PCDHA8: variants seen among roughly 807,000 people sequenced by gnomAD.
PCDHA8 encodes protocadherin alpha 8.
Under a neutral mutation model 61.8 loss-of-function variants are expected in PCDHA8, and 53 were observed. The ratio of observed to expected loss-of-function variants is 0.86; its 90% CI spans 0.69 to 1.08. PCDHA8 has a LOEUF of 1.08. PCDHA8 is among the 50% of genes least tolerant of loss of function. The probability of loss-of-function intolerance (pLI) is 0.00; values close to 1 mark genes in which losing one functional copy is unlikely to be tolerated. For synonymous variants in PCDHA8, 618 were observed against 556.6 expected, an observed-to-expected ratio of 1.11 and a Z score of -1.55; for missense variants, 1,293 against 1,245.0, an observed-to-expected ratio of 1.04 and a Z score of -0.58.
chr5:140,905,047 C>A (rs2071568223), intron 1 of PCDHA8, among the ~76,000 whole-genome samples: 1 of 152,076 alleles, frequency 6.6e-6, no homozygotes, highest in Non-Finnish European at 1.5e-5. Context: ...TTAATTAGGT[C>A]CCATTTATTT....
intron 1 of PCDHA8, among the ~76,000 whole-genome samples, chr5:140,911,789 G>A (rs1399185754): frequency 6.6e-6 from 1 of 152,024 alleles, no homozygotes; most frequent in Non-Finnish European, 1.5e-5. Flanking sequence ...GCATTTTTGG[G>A]TCTAATCATA....
In PCDHA8 at chr5:140,904,839, ATCT is replaced by A. The variant is rs1480252178; in HGVS notation, c.2394+61131_2394+61133del. 4.1e-4 allele frequency among the ~76,000 whole-genome samples: 62 copies of A among 152,040 alleles called. No individual in the cohort carries two copies. The East Asian group carries it at 6.4e-3, about 16-fold the overall frequency. Reference sequence around the variant, plus strand: ...TTGAGCATTTTTTTATATGTTTCATATCTTCTTCTGAGAATTGTCTGTTTATGT... The same window carrying A: ...TTGAGCATTTTTTTATATGTTTCATATCTTCTGAGAATTGTCTGTTTATGT... On this transcript the variant is annotated intron_variant, in intron 1 of 3. Coordinates refer to ENST00000531613, the MANE Select transcript of PCDHA8 (RefSeq NM_018911.3).
intron 1 of PCDHA8, chr5:140,871,317 G>A: frequency 6.2e-7 from 1 of 1,614,080 alleles, no homozygotes; most frequent in Non-Finnish European, 8.5e-7. Flanking sequence ...AGCCCACGCT[G>A]GTGTGCTCCC....
At chr5:140,917,332 G>GT (rs1293292013) in intron 1 of PCDHA8, among the ~76,000 whole-genome samples, 2 of 145,540 alleles carry the variant, frequency 1.4e-5, no homozygotes, top group Non-Finnish European at 3.0e-5. Flanking sequence ...GGCGGGGGAG[G>GT]GGGGGGATGG....
chr5:140,869,005 G>C, intron 1 of PCDHA8: 1 of 1,521,546 alleles, frequency 6.6e-7, no homozygotes, highest in Non-Finnish European at 8.8e-7. Context: ...AGGATCCTTT[G>C]AAACTTCTTA....
intron 1 of PCDHA8, chr5:140,855,976 G>C: frequency 6.9e-7 from 1 of 1,448,118 alleles, no homozygotes; most frequent in Non-Finnish European, 9.3e-7. Context: ...TAAGAAATAG[G>C]ACAGAAAATG....
In PCDHA8 at chr5:141,010,671, A is replaced by T. The variant is rs375520397; in HGVS notation, c.*734A>T. The T allele has an allele frequency of 5.7e-4, 94 of 164,082 alleles. 1 individual carries two copies. Among genetic ancestry groups the T allele is most frequent in the Non-Finnish European group, 1.2e-3 (86 of 74,622 alleles). The allele number at this position is 164,082 out of a possible 1,614,324, so 10.2% of individuals were successfully genotyped here. A position where few individuals can be genotyped will look rare whatever the true frequency, so the allele number is the denominator to read the frequency against. On this transcript the variant is annotated 3_prime_UTR_variant, in exon 4 of 4. Transcript: ENST00000531613. Reference sequence around the variant, plus strand: ...TGTTTTAACAGAGAACCACCCTGGGAAACAGAAGCAGATCTGATGTGTTTC... The same window carrying T: ...TGTTTTAACAGAGAACCACCCTGGGTAACAGAAGCAGATCTGATGTGTTTC...
rs565095262 is a variant in PCDHA8, at chr5:140,873,057, T to C, written c.2394+29342T>C. 8.5e-4 allele frequency among the ~76,000 whole-genome samples: 129 copies of C among 152,336 alleles called. 1 individual carries two copies. Among genetic ancestry groups the C allele is most frequent in the Middle Eastern group, 3.4e-3 (1 of 294 alleles). ...TAGAGTGGTGGTATTACAGACTTTC[T>C]TGAGAATCATATCTAGCTATTTCCC... On this transcript the variant is annotated intron_variant, in intron 1 of 3. Transcript: ENST00000531613.
rs1342551274 is a variant in PCDHA8, at chr5:140,871,604, T to C, written c.2394+27889T>C. 4 of 1,443,096 alleles carry C rather than the reference T, an allele frequency of 2.8e-6. No homozygotes were observed. In the African/African-American group the frequency reaches 4.3e-5, roughly 16 times the overall value. The allele number at this position is 1,443,096 out of a possible 1,614,324, so 89.4% of individuals were successfully genotyped here. A position where few individuals can be genotyped will look rare whatever the true frequency, so the allele number is the denominator to read the frequency against. On this transcript the variant is annotated intron_variant, in intron 1 of 3. Coordinates refer to ENST00000531613, the MANE Select transcript of PCDHA8 (RefSeq NM_018911.3). The stretch of plus-strand genomic sequence containing the variant: ...AAAGTTTTATGAATAACCAGTGTTT[T>C]GAATATTGTTTTAGATAACAATGTC...
intron 3 of PCDHA8, among the ~76,000 whole-genome samples, chr5:140,987,604 T>G (rs2097261353): frequency 6.6e-6 from 1 of 152,222 alleles, no homozygotes; most frequent in Admixed American, 6.5e-5. Context: ...GTCTACCTTA[T>G]AGGGTTCTTG....
intron 1 of PCDHA8, among the ~76,000 whole-genome samples, chr5:140,961,096 G>A (rs1040764862): frequency 3.9e-5 from 6 of 152,222 alleles, no homozygotes; most frequent in Admixed American, 3.3e-4. Flanking sequence ...TGACTTTTTG[G>A]TCACCCAACC....
chr5:140,929,307 C>T (rs149565434), intron 1 of PCDHA8: 10 of 1,570,046 alleles, frequency 6.4e-6, no homozygotes, highest in Admixed American at 1.8e-5. Context: ...AAGGGGATCA[C>T]GCTAATGTCA....
At chr5:140,990,668 G>A (rs1554251661) in intron 3 of PCDHA8, among the ~76,000 whole-genome samples, 1 of 152,178 alleles carries the variant, frequency 6.6e-6, no homozygotes, top group African/African-American at 2.4e-5. Flanking sequence ...TACATTAGAT[G>A]CACACCAAGC....
Position 140,873,357 on chromosome 5 carries a change from G to T in PCDHA8, c.2394+29642G>T, listed in dbSNP as rs564914388. On this transcript the variant is annotated intron_variant, in intron 1 of 3. Coordinates refer to ENST00000531613, the MANE Select transcript of PCDHA8 (RefSeq NM_018911.3). ...TACTCATCTCCAGATGAAATTTTTG[G>T]AATAACTGAAGATCTTTTAAAGACT... Among the ~76,000 whole-genome samples the T allele has an allele frequency of 2.0e-5, 3 of 152,172 alleles. No individual in the cohort carries two copies. In the South Asian group the frequency reaches 6.2e-4, roughly 32 times the overall value.
intron 1 of PCDHA8, among the ~76,000 whole-genome samples, chr5:140,919,193 T>C (rs1444043948): frequency 6.6e-6 from 1 of 152,262 alleles, no homozygotes; most frequent in African/African-American, 2.4e-5. Flanking sequence ...ATTGGTCCTT[T>C]TGTCATTATA....
chr5:141,005,256 A>C (rs1307850409), intron 3 of PCDHA8, among the ~76,000 whole-genome samples: 1 of 152,212 alleles, frequency 6.6e-6, no homozygotes, highest in East Asian at 1.9e-4. Flanking sequence ...TGTGCTAGGC[A>C]CTGGTGATAC....
In PCDHA8 at chr5:140,843,637, C is replaced by T. The variant is rs1289295729; in HGVS notation, c.2316C>T (p.Phe772=). ...CACCGAAGACGGACCTCATGGCCTT[C>T]AGCCCCTGCCTTCCTCCTGATCTGG... ...EGPPKTDLMA[F]SPCLPPDLGS... is the part of the protein sequence containing the mutation. The change falls in exon 1 of 4, where the codon TTC becomes TTT. Residue 772 remains phenylalanine (F), a synonymous_variant. Coordinates refer to ENST00000531613, the MANE Select transcript of PCDHA8 (RefSeq NM_018911.3). The T allele has an allele frequency of 1.3e-6, 2 of 1,595,812 alleles. No homozygotes were observed. The highest frequency in any genetic ancestry group is 2.2e-5 in the East Asian group (1 of 44,828).
chr5:140,877,298 A>C, intron 1 of PCDHA8: 1 of 1,613,870 alleles, frequency 6.2e-7, no homozygotes. Flanking sequence ...TGGCTGTCCT[A>C]CGAGTTGCAA....
rs1781426453 is a variant in PCDHA8, at chr5:140,848,298, G to A, written c.2394+4583G>A. On this transcript the variant is annotated intron_variant, in intron 1 of 3. Transcript: ENST00000531613. ...TATGTACTTACACTTTGGGCCACGTGATGTCACTCTTTGCCGCGATGTTCT... is the reference window on the plus strand; with the variant it reads ...TATGTACTTACACTTTGGGCCACGTAATGTCACTCTTTGCCGCGATGTTCT... 1.4e-5 allele frequency: 9 copies of A among 661,966 alleles called. 1 individual carries two copies. The Admixed American group carries it at 2.4e-4, about 18-fold the overall frequency. The allele number at this position is 661,966 out of a possible 1,614,324, so 41.0% of individuals were successfully genotyped here. A position where few individuals can be genotyped will look rare whatever the true frequency, so the allele number is the denominator to read the frequency against.
Sources: gnomAD v4.1 joint callset for allele counts (sites outside exome capture counted in the v4.1 genomes callset) on GRCh38, gnomAD v4.1.1 for gene constraint, MANE v1.5 for transcripts, NCBI Gene and HGNC (gene_info 2026-07-23, HGNC 2026-07-21) for gene names.